The following DUSP22 variants were observed in gnomAD, a reference collection of about 807,000 sequenced individuals.
DUSP22 encodes dual specificity phosphatase 22.
Under a neutral mutation model 24.5 loss-of-function variants are expected in DUSP22, and 24 were observed. That is an observed-to-expected ratio of 0.98 (90% CI 0.71 to 1.38). The LOEUF is 1.38. DUSP22 is among the 40% of genes most tolerant of loss of function. The pLI, the probability that DUSP22 is intolerant of heterozygous loss-of-function variation, is 0.00. For synonymous variants in DUSP22, 160 were observed against 106.4 expected (o/e 1.50, Z -3.10); for missense variants, 330 against 269.2 (o/e 1.23, Z -1.58).
intron 1 of DUSP22, among the ~76,000 whole-genome samples, chr6:294,881 G>A (rs541946221): frequency 2.0e-4 from 30 of 152,390 alleles, no homozygotes; most frequent in Non-Finnish European, 3.7e-4. Context: ...AAGATGGGAT[G>A]AAAGTGACCT....
At chr6:323,666 G>A (rs897907725) in intron 3 of DUSP22, among the ~76,000 whole-genome samples, 1 of 152,308 alleles carries the variant, frequency 6.6e-6, no homozygotes, top group African/African-American at 2.4e-5. Flanking sequence ...TATAGGCACA[G>A]ATTTCCCTGT....
chr6:299,549 C>T (rs780553638), intron 1 of DUSP22, among the ~76,000 whole-genome samples: 3 of 152,298 alleles, frequency 2.0e-5, no homozygotes, highest in Admixed American at 6.5e-5. Context: ...CATACTGTGA[C>T]TACAGAGAGG....
At chr6:303,629 G>A (rs1486553896) in intron 1 of DUSP22, among the ~76,000 whole-genome samples, 3 of 152,312 alleles carry the variant, frequency 2.0e-5, no homozygotes, top group Non-Finnish European at 4.4e-5. Context: ...CTGTGGTGAA[G>A]CGTCACCAAG....
chr6:305,185 T>C (rs111741598), intron 2 of DUSP22, among the ~76,000 whole-genome samples: 5,145 of 150,306 alleles, frequency 0.034, no homozygotes, highest in African/African-American at 0.11. Flanking sequence ...ACAGGCAAAG[T>C]GTAGACTCAG....
chr6:338,036 T>C (rs1759440247), intron 4 of DUSP22: 1 of 152,518 alleles, frequency 6.6e-6, no homozygotes, highest in Admixed American at 6.5e-5. Flanking sequence ...CAGTAAGACT[T>C]CTGTTTCAGC....
intron 6 of DUSP22, 93 bp downstream of exon 6, chr6:348,367 G>C: frequency 6.4e-7 from 1 of 1,565,022 alleles, no homozygotes; most frequent in Non-Finnish European, 8.7e-7. Context: ...CATGGCGTTT[G>C]GAGTTGAAAG....
intron 3 of DUSP22, among the ~76,000 whole-genome samples, chr6:328,967 C>T (rs1237308499): frequency 2.0e-5 from 3 of 152,420 alleles, no homozygotes; most frequent in South Asian, 2.1e-4. Flanking sequence ...TTTAACCTTA[C>T]ATAATTTCTA....
intron 5 of DUSP22, 32 bp from the exon 6 acceptor site, chr6:348,071 C>A (rs762365108): frequency 6.2e-7 from 1 of 1,612,078 alleles, no homozygotes; most frequent in Non-Finnish European, 8.5e-7. Flanking sequence ...TCTGAAACTG[C>A]CCTCACACAT....
chr6:333,566 C>A (rs1759230609), intron 3 of DUSP22, among the ~76,000 whole-genome samples: 1 of 152,304 alleles, frequency 6.6e-6, no homozygotes, highest in South Asian at 2.1e-4. Context: ...GTGAACAGAT[C>A]CTGCTCTGAC....
intron 3 of DUSP22, among the ~76,000 whole-genome samples, chr6:333,693 C>T (rs1476995357): frequency 6.6e-6 from 1 of 152,308 alleles, no homozygotes; most frequent in Non-Finnish European, 1.5e-5. Context: ...GAAAACTGGC[C>T]CCAAGCTCAG....
intron 2 of DUSP22, among the ~76,000 whole-genome samples, chr6:305,229 C>A (rs1378540423): frequency 3.9e-5 from 6 of 152,284 alleles, no homozygotes; most frequent in Non-Finnish European, 7.3e-5. Context: ...CCCCCACTTG[C>A]ACCCAAGCCC....
At chr6:334,975 C>T (rs1393995065) in intron 3 of DUSP22, 139 bp from the exon 4 acceptor site, 2 of 1,025,126 alleles carry the variant, frequency 2.0e-6, no homozygotes, top group African/African-American at 3.2e-5. Context: ...TCTGCAGTTC[C>T]TTGGCAACAA....
chr6:348,626 C>T, intron 6 of DUSP22, 143 bp from the exon 7 acceptor site: 4 of 1,422,178 alleles, frequency 2.8e-6, no homozygotes, highest in Non-Finnish European at 3.9e-6. Flanking sequence ...GCTGGCCAAC[C>T]ACAGAGCTCT....
Position 348,094 on chromosome 6 carries a change from G to A in DUSP22, c.264-9G>A, listed in dbSNP as rs374879013. 106 of 1,613,798 alleles carry A rather than the reference G, an allele frequency of 6.6e-5. No individual in the cohort carries two copies. In the Middle Eastern group the frequency reaches 1.8e-3, roughly 28 times the overall value. On this transcript the variant is annotated splice_polypyrimidine_tract_variant and intron_variant, in intron 5 of 6. Coordinates refer to ENST00000419235, the MANE Select transcript of DUSP22 (RefSeq NM_001286555.3). ...TGCCCTCACACATGTGCTTCTCTTG[G>A]CCCCGCAGCCTGGCCGGGGTCTCCA...
In DUSP22 at chr6:350,746, A is replaced by T; in HGVS notation, c.*1795A>T. On this transcript the variant is annotated 3_prime_UTR_variant, in exon 7 of 7. Transcript: ENST00000419235. ...AATGCTTAAATATGTGCACCTTTAC[A>T]AACCTCTCAGTGTATTCTTGGAGTT... 1 of 1,613,288 alleles carries T rather than the reference A, an allele frequency of 6.2e-7. No homozygotes were observed. Among genetic ancestry groups the T allele is most frequent in the Non-Finnish European group, 8.5e-7 (1 of 1,179,656 alleles).
At chr6:333,838 T>A (rs1299763899) in intron 3 of DUSP22, among the ~76,000 whole-genome samples, 4 of 152,300 alleles carry the variant, frequency 2.6e-5, no homozygotes, top group African/African-American at 9.6e-5. Context: ...ATCCGACTCC[T>A]GAGGGCCAGG....
chr6:349,094 A>T lies in DUSP22; in HGVS notation c.*143A>T. ...GCGAGGGCTCCTTCCCCCAAGCAACACCGCCCAGCCCTGCTCCAGGCCCCT... is the reference window on the plus strand; with the variant it reads ...GCGAGGGCTCCTTCCCCCAAGCAACTCCGCCCAGCCCTGCTCCAGGCCCCT... On this transcript the variant is annotated 3_prime_UTR_variant, in exon 7 of 7. Transcript: ENST00000419235. The T allele has an allele frequency of 6.8e-7, 1 of 1,461,860 alleles. No individual in the cohort carries two copies. The highest frequency in any genetic ancestry group is 9.0e-7 in the Non-Finnish European group (1 of 1,109,548). The allele number at this position is 1,461,860 out of a possible 1,614,324, so 90.6% of individuals were successfully genotyped here. A position where few individuals can be genotyped will look rare whatever the true frequency, so the allele number is the denominator to read the frequency against.
intron 3 of DUSP22, among the ~76,000 whole-genome samples, chr6:316,546 T>C (rs1758345164): frequency 6.6e-6 from 1 of 152,304 alleles, no homozygotes; most frequent in Admixed American, 6.5e-5. Flanking sequence ...AAAACTCCTA[T>C]TGCAAAGACA....
intron 3 of DUSP22, among the ~76,000 whole-genome samples, chr6:313,671 T>C (rs374497964): frequency 2.0e-5 from 3 of 152,306 alleles, no homozygotes; most frequent in African/African-American, 4.8e-5. Flanking sequence ...TATTATTATC[T>C]TAGCTTCATA....
Sources: allele counts gnomAD v4.1 joint callset (sites outside exome capture counted in the v4.1 genomes callset), GRCh38; gene constraint gnomAD v4.1.1; transcripts MANE v1.5; gene names NCBI Gene and HGNC (gene_info 2026-07-23, HGNC 2026-07-21).